Variants in UBE2H observed in about 807,000 individuals in gnomAD.
The protein encoded by UBE2H is ubiquitin conjugating enzyme E2 H.
Under a neutral mutation model 29.0 loss-of-function variants are expected in UBE2H, and 3 were observed. The observed-to-expected ratio is 0.10, with a 90% CI of 0.05 to 0.27. The LOEUF (loss-of-function observed/expected upper bound fraction) is 0.27. UBE2H is among the 10% of genes least tolerant of loss of function. The pLI is 1.00. For missense variants in UBE2H, 68 were observed against 228.2 expected (o/e 0.30, Z 4.52); for synonymous variants, 69 against 82.9 (o/e 0.83, Z 0.91).
intron 5 of UBE2H, among the ~76,000 whole-genome samples, chr7:129,840,795 C>T (rs1805414726): frequency 6.6e-6 from 1 of 152,192 alleles, no homozygotes; most frequent in African/African-American, 2.4e-5. Context: ...TAAAAAACTA[C>T]TCATTAATTT....
chr7:129,891,535 A>G (rs190609549), intron 1 of UBE2H, among the ~76,000 whole-genome samples: 20 of 152,232 alleles, frequency 1.3e-4, no homozygotes, highest in East Asian at 1.9e-4. Context: ...CGGGCATGGT[A>G]GCTCACGCCT....
chr7:129,854,317 C>G (rs1183545617), intron 5 of UBE2H, among the ~76,000 whole-genome samples: 1 of 152,132 alleles, frequency 6.6e-6, no homozygotes, highest in African/African-American at 2.4e-5. Context: ...TTGTATTTAC[C>G]TGTTCCTAAA....
chr7:129,890,851 T>C (rs556109084), intron 1 of UBE2H, among the ~76,000 whole-genome samples: 7 of 151,722 alleles, frequency 4.6e-5, no homozygotes, highest in Admixed American at 2.0e-4. Context: ...AGTCAACTTA[T>C]AGGCTGGGCA....
chr7:129,830,873 G>A lies in UBE2H; in HGVS notation c.*4064C>T, dbSNP rs750048847. ...TCATCACAATGCAAGGAGAAAGGTG[G>A]AAGGGAGGAGACAGGGCGAGGAAAA... On this transcript the variant is annotated 3_prime_UTR_variant, in exon 7 of 7. Transcript: ENST00000355621. 2.0e-5 allele frequency: 3 copies of A among 149,526 alleles called. No homozygotes were observed. Among genetic ancestry groups the A allele is most frequent in the South Asian group, 2.2e-4 (1 of 4,600 alleles). 9.3% of individuals were successfully genotyped at this position (149,526 alleles called of 1,614,324 possible). A position where few individuals can be genotyped will look rare whatever the true frequency, so the allele number is the denominator to read the frequency against.
intron 5 of UBE2H, among the ~76,000 whole-genome samples, chr7:129,852,154 G>A (rs1323283250): frequency 1.3e-5 from 2 of 152,180 alleles, no homozygotes; most frequent in Non-Finnish European, 2.9e-5. Flanking sequence ...TATCTGTGTA[G>A]TTACACTAAA....
intron 1 of UBE2H, 86 bp from the exon 2 acceptor site, chr7:129,881,057 G>C: frequency 1.7e-6 from 2 of 1,202,490 alleles, no homozygotes; most frequent in Non-Finnish European, 2.3e-6. Context: ...GCCACTTAAA[G>C]TGTTACCAAA....
intron 1 of UBE2H, among the ~76,000 whole-genome samples, chr7:129,884,510 A>G (rs1367879223): frequency 6.6e-6 from 1 of 151,944 alleles, no homozygotes; most frequent in African/African-American, 2.4e-5. Context: ...AAATCTGCAT[A>G]TATGTTTCCT....
At chr7:129,848,213 A>C (rs1377413151) in intron 5 of UBE2H, among the ~76,000 whole-genome samples, 1 of 152,158 alleles carries the variant, frequency 6.6e-6, no homozygotes, top group Non-Finnish European at 1.5e-5. Flanking sequence ...ACAGAGCAAG[A>C]CTCTGTCTCA....
intron 5 of UBE2H, among the ~76,000 whole-genome samples, chr7:129,855,544 A>G (rs1805688308): frequency 6.6e-6 from 1 of 152,222 alleles, no homozygotes; most frequent in South Asian, 2.1e-4. Context: ...AGTTCTGGAC[A>G]TGATTAATTC....
chr7:129,866,000 G>A (rs1296691181), intron 3 of UBE2H, among the ~76,000 whole-genome samples: 1 of 152,142 alleles, frequency 6.6e-6, no homozygotes. Context: ...CTATGTGCAG[G>A]AGTCCACAAT....
At chr7:129,894,541 G>A (rs1228266159) in intron 1 of UBE2H, among the ~76,000 whole-genome samples, 1 of 141,978 alleles carries the variant, frequency 7.0e-6, no homozygotes, top group African/African-American at 2.6e-5. Flanking sequence ...AAGCTGGAGT[G>A]CAATGGCATG....
chr7:129,888,911 C>A (rs1394594980), intron 1 of UBE2H, among the ~76,000 whole-genome samples: 1 of 152,102 alleles, frequency 6.6e-6, no homozygotes, highest in East Asian at 1.9e-4. Context: ...GAGATTTCTT[C>A]CAGCCCGGAG....
chr7:129,933,381 G>T (rs150244899), intron 1 of UBE2H, among the ~76,000 whole-genome samples: 95 of 152,134 alleles, frequency 6.2e-4, no homozygotes, highest in Non-Finnish European at 9.9e-4. Context: ...TATAAAACAG[G>T]GTACTAAAAA....
chr7:129,944,566 G>A (rs1310226452), intron 1 of UBE2H, among the ~76,000 whole-genome samples: 1 of 152,042 alleles, frequency 6.6e-6, no homozygotes, highest in Non-Finnish European at 1.5e-5. Flanking sequence ...GACCAGCCTG[G>A]CCAACAGTGA....
chr7:129,931,766 C>T (rs1807405311), intron 1 of UBE2H, among the ~76,000 whole-genome samples: 1 of 151,274 alleles, frequency 6.6e-6, no homozygotes, highest in South Asian at 2.1e-4. Flanking sequence ...AGGCTAACTG[C>T]AATGTGGAAT....
chr7:129,879,434 A>T, intron 3 of UBE2H, 134 bp downstream of exon 3: 2 of 791,022 alleles, frequency 2.5e-6, no homozygotes, highest in Non-Finnish European at 4.2e-6. Context: ...GTCACTGATT[A>T]ATTAACCAAA....
intron 3 of UBE2H, among the ~76,000 whole-genome samples, chr7:129,875,529 A>G (rs1806129196): frequency 6.6e-6 from 1 of 152,236 alleles, no homozygotes; most frequent in Admixed American, 6.5e-5. Flanking sequence ...AGGATATAAA[A>G]TATTTACCAA....
chr7:129,932,538 C>T (rs911148672), intron 1 of UBE2H, among the ~76,000 whole-genome samples: 1 of 151,834 alleles, frequency 6.6e-6, no homozygotes, highest in African/African-American at 2.4e-5. Context: ...GACACCATTT[C>T]ATCATACATC....
At chr7:129,838,359 G>C (rs78939185) in intron 6 of UBE2H, among the ~76,000 whole-genome samples, 1,890 of 152,256 alleles carry the variant, frequency 0.012, 17 homozygotes, top group Non-Finnish European at 0.021. Flanking sequence ...TTCAAGCTCT[G>C]GTAAATTACT....
Sources: allele counts gnomAD v4.1 joint callset (sites outside exome capture counted in the v4.1 genomes callset), GRCh38; gene constraint gnomAD v4.1.1; transcripts MANE v1.5; gene names NCBI Gene and HGNC (gene_info 2026-07-23, HGNC 2026-07-21).